SLC35F4: variants seen among roughly 807,000 people sequenced by gnomAD.
SLC35F4 encodes chromosome 14 open reading frame 36.
Under a neutral mutation model 44.2 loss-of-function variants are expected in SLC35F4, and 24 were observed. That is an observed-to-expected ratio of 0.54 (90% CI 0.39 to 0.76). The LOEUF is 0.76. Among genes scored for constraint, SLC35F4 ranks in the 30% least tolerant of loss-of-function variants. The pLI is 0.00. For missense variants in SLC35F4, 562 were observed against 586.1 expected, an observed-to-expected ratio of 0.96 and a Z score of 0.42; for synonymous variants, 238 against 223.6, an observed-to-expected ratio of 1.06 and a Z score of -0.57.
chr14:57,892,716 TA>T (rs1276523383), intron 1 of SLC35F4, among the ~76,000 whole-genome samples: 1 of 152,152 alleles, frequency 6.6e-6, no homozygotes, highest in African/African-American at 2.4e-5. Context: ...ATATTAGAGG[TA>T]AAATCCACAA....
At chr14:57,625,754 A>G (rs941007243) in intron 1 of SLC35F4, among the ~76,000 whole-genome samples, 1 of 152,218 alleles carries the variant, frequency 6.6e-6, no homozygotes, top group East Asian at 1.9e-4. Context: ...CCATACGCAG[A>G]AAACTGAAAC....
At chr14:57,885,789 A>G (rs62005016) in intron 1 of SLC35F4, among the ~76,000 whole-genome samples, 14,895 of 152,184 alleles carry the variant, frequency 0.098, 974 homozygotes, top group Non-Finnish European at 0.15. Context: ...TTTAATTCCT[A>G]TGCAGTCTTC....
At chr14:57,962,037 G>A (rs556428147) in intron 1 of SLC35F4, among the ~76,000 whole-genome samples, 1 of 152,296 alleles carries the variant, frequency 6.6e-6, no homozygotes, top group African/African-American at 2.4e-5. Flanking sequence ...GAATGGATCG[G>A]CCAATAATAA....
At chr14:57,760,991 T>C (rs920921770) in intron 1 of SLC35F4, among the ~76,000 whole-genome samples, 10 of 152,134 alleles carry the variant, frequency 6.6e-5, no homozygotes, top group Non-Finnish European at 1.5e-4. Flanking sequence ...TCTAACCACA[T>C]TGGTTTTTCT....
chr14:57,729,751 C>G (rs1423466323), intron 1 of SLC35F4, among the ~76,000 whole-genome samples: 1 of 152,164 alleles, frequency 6.6e-6, no homozygotes, highest in African/African-American at 2.4e-5. Context: ...TTCACTGACT[C>G]TAAGCCCAGC....
Position 57,674,468 on chromosome 14 carries a change from G to C in SLC35F4, c.104-80344C>G, listed in dbSNP as rs554818009. On this transcript the variant is annotated intron_variant, in intron 1 of 7. Transcript: ENST00000556826. Reference sequence around the variant, plus strand: ...ACAGCCAGAAACTGGGCATTGCCCAGGCATCCATCACCAGGAGAATACAGA... The same window carrying C: ...ACAGCCAGAAACTGGGCATTGCCCACGCATCCATCACCAGGAGAATACAGA... Among the ~76,000 whole-genome samples, 4 of 152,264 alleles carry C rather than the reference G, an allele frequency of 2.6e-5. No homozygotes were observed. In the East Asian group the frequency reaches 7.7e-4, roughly 29 times the overall value.
At chr14:57,705,322 G>C (rs1218121381) in intron 1 of SLC35F4, among the ~76,000 whole-genome samples, 1 of 152,066 alleles carries the variant, frequency 6.6e-6, no homozygotes, top group Non-Finnish European at 1.5e-5. Flanking sequence ...CATTTATTTA[G>C]AACAATACAA....
chr14:57,675,019 A>G (rs1390219114), intron 1 of SLC35F4, among the ~76,000 whole-genome samples: 1 of 152,108 alleles, frequency 6.6e-6, no homozygotes, highest in African/African-American at 2.4e-5. Flanking sequence ...AATGTGAGCA[A>G]TCCATGGAGA....
Position 57,581,428 on chromosome 14 carries a change from C to G in SLC35F4, c.593G>C (p.Cys198Ser). The G allele has an allele frequency of 6.2e-7, 1 of 1,607,992 alleles. No individual in the cohort carries two copies. The highest frequency in any genetic ancestry group is 8.5e-7 in the Non-Finnish European group (1 of 1,176,968). Residue 198 changes from cysteine to serine, a missense_variant, in exon 4 of 8, where the codon TGC becomes TCC. Transcript: ENST00000556826. ...ACCATCTTCACCAAAAATCCGACTG[C>G]ATTCCCTAGGAAAGAAAAGAGAAGT... ...KQSPMKKFRECSRIFGEDGLT... is the reference protein window; with the variant it reads ...KQSPMKKFRESSRIFGEDGLT...
chr14:57,571,756 C>A (rs1566627191), intron 5 of SLC35F4, 138 bp downstream of exon 5: 2 of 1,241,294 alleles, frequency 1.6e-6, no homozygotes, highest in Admixed American at 6.1e-5. Flanking sequence ...CATCACATAA[C>A]AAGTAGTTAA....
chr14:57,906,902 C>T (rs997142570), intron 1 of SLC35F4, among the ~76,000 whole-genome samples: 3 of 152,196 alleles, frequency 2.0e-5, no homozygotes, highest in Non-Finnish European at 2.9e-5. Context: ...ACATTAAATG[C>T]TTCCCGGATA....
intron 1 of SLC35F4, among the ~76,000 whole-genome samples, chr14:57,805,794 A>G (rs1731184902): frequency 6.6e-6 from 1 of 152,190 alleles, no homozygotes; most frequent in Non-Finnish European, 1.5e-5. Flanking sequence ...GAAGAAAACA[A>G]AAGTTTGTAA....
chr14:57,670,122 G>T (rs1486150985), intron 1 of SLC35F4, among the ~76,000 whole-genome samples: 4 of 152,104 alleles, frequency 2.6e-5, no homozygotes, highest in Non-Finnish European at 5.9e-5. Context: ...TTGCATAGAG[G>T]TGTTTATAGT....
At chr14:57,676,400 G>A (rs1313716419) in intron 1 of SLC35F4, among the ~76,000 whole-genome samples, 1 of 151,846 alleles carries the variant, frequency 6.6e-6, no homozygotes, top group Admixed American at 6.6e-5. Context: ...TGGACGCAGG[G>A]GCAACACACA....
At chr14:57,656,374 TATACACAC>T (rs58875977) in intron 1 of SLC35F4, among the ~76,000 whole-genome samples, 29,538 of 125,124 alleles carry the variant, frequency 0.24, 2,977 homozygotes, top group South Asian at 0.3. Flanking sequence ...TATATATATA[TATACACAC>T]ACACACACAC....
chr14:57,669,593 C>T (rs55773464), intron 1 of SLC35F4, among the ~76,000 whole-genome samples: 10,717 of 151,936 alleles, frequency 0.071, 1,309 homozygotes, highest in African/African-American at 0.24. Flanking sequence ...GATAATCATG[C>T]GGTTTTTGTC....
chr14:57,912,028 T>A (rs554405750), intron 1 of SLC35F4, among the ~76,000 whole-genome samples: 3 of 152,156 alleles, frequency 2.0e-5, no homozygotes, highest in Admixed American at 2.0e-4. Context: ...TTTCAAGGAA[T>A]TAGTTCATTT....
intron 1 of SLC35F4, among the ~76,000 whole-genome samples, chr14:57,690,625 A>T (rs1383557363): frequency 6.6e-6 from 1 of 152,034 alleles, no homozygotes; most frequent in Non-Finnish European, 1.5e-5. Flanking sequence ...ACTGTAATAT[A>T]CAAAAAATAT....
chr14:57,932,907 T>C (rs1889726689), intron 1 of SLC35F4, among the ~76,000 whole-genome samples: 2 of 152,168 alleles, frequency 1.3e-5, no homozygotes, highest in Admixed American at 1.3e-4. Context: ...GCTCTTCTGA[T>C]GCAATACATA....
Sources: gnomAD v4.1 joint callset for allele counts (sites outside exome capture counted in the v4.1 genomes callset) on GRCh38, gnomAD v4.1.1 for gene constraint, MANE v1.5 for transcripts, NCBI Gene and HGNC (gene_info 2026-07-23, HGNC 2026-07-21) for gene names.